EPHA6: variants seen among roughly 807,000 people sequenced by gnomAD.
EPHA6 encodes EPH receptor A6.
Under a neutral mutation model 112.0 loss-of-function variants are expected in EPHA6, and 50 were observed. The observed-to-expected ratio is 0.45, with a 90% confidence interval of 0.36 to 0.56. The LOEUF is 0.56. Ranked by LOEUF, EPHA6 falls within the 20% of genes least tolerant of loss-of-function variation. EPHA6 has a pLI of 0.00. For missense variants in EPHA6, 1,280 were observed against 1,417.4 expected, an observed-to-expected ratio of 0.90 and a Z score of 1.56; for synonymous variants, 529 against 490.7, an observed-to-expected ratio of 1.08 and a Z score of -1.03.
chr3:97,260,142 A>G (rs2079452662), intron 5 of EPHA6, among the ~76,000 whole-genome samples: 1 of 152,210 alleles, frequency 6.6e-6, no homozygotes, highest in Non-Finnish European at 1.5e-5. Context: ...ATAAGATACA[A>G]ATTGTAAATG....
intron 5 of EPHA6, among the ~76,000 whole-genome samples, chr3:97,363,171 AATATATATATATATAT>A (rs58214738): frequency 1.3e-3 from 65 of 51,428 alleles, no homozygotes; most frequent in East Asian, 3.5e-3. Context: ...TTGCCCCTGC[AATATATATATATATAT>A]ATATATATAT....
At chr3:97,134,907 A>G (rs546126046) in intron 3 of EPHA6, among the ~76,000 whole-genome samples, 1 of 152,244 alleles carries the variant, frequency 6.6e-6, no homozygotes, top group Admixed American at 6.5e-5. Context: ...TCCTCTGATA[A>G]GGGTCAATCT....
intron 1 of EPHA6, among the ~76,000 whole-genome samples, chr3:96,839,927 TAG>T (rs1006153242): frequency 2.0e-5 from 3 of 152,090 alleles, no homozygotes; most frequent in Non-Finnish European, 4.4e-5. Flanking sequence ...GAATGGTGGT[TAG>T]AGAGGGCAGG....
At chr3:97,004,011 A>G (rs1355271338) in intron 3 of EPHA6, among the ~76,000 whole-genome samples, 2 of 152,134 alleles carry the variant, frequency 1.3e-5, no homozygotes, top group African/African-American at 4.8e-5. Flanking sequence ...CATGGTGTAT[A>G]TAGATACCAC....
chr3:96,837,296 G>A (rs2034472930), intron 1 of EPHA6, among the ~76,000 whole-genome samples: 1 of 152,102 alleles, frequency 6.6e-6, no homozygotes, highest in South Asian at 2.1e-4. Context: ...GTAGTAATGT[G>A]CACAGGATTT....
chr3:96,953,148 A>G (rs1404353958), intron 2 of EPHA6, among the ~76,000 whole-genome samples: 2 of 152,266 alleles, frequency 1.3e-5, no homozygotes, highest in East Asian at 1.9e-4. Context: ...TAGGTTTTCC[A>G]TCCTGTATAG....
In EPHA6 at chr3:97,321,252, C is replaced by T. The variant is rs184195389; in HGVS notation, c.1606+76965C>T. Among the ~76,000 whole-genome samples, 61 of 151,756 alleles carry T rather than the reference C, an allele frequency of 4.0e-4. 1 individual carries two copies. The highest frequency in any genetic ancestry group is 1.4e-3 in the African/African-American group (59 of 41,318). ...GAGGCTTCCAGATTGCTCTTTTTTC[C>T]CCCAAAAGTAAATTGGGTTGTCACT... On this transcript the variant is annotated intron_variant, in intron 5 of 17. Transcript: ENST00000389672.
At chr3:97,399,999 T>C (rs1347507721) in intron 5 of EPHA6, among the ~76,000 whole-genome samples, 2 of 151,606 alleles carry the variant, frequency 1.3e-5, no homozygotes, top group African/African-American at 4.8e-5. Context: ...TGAGACCTAT[T>C]CATAAAATGA....
chr3:97,425,775 C>T (rs1433934659), intron 6 of EPHA6, among the ~76,000 whole-genome samples: 6 of 152,162 alleles, frequency 3.9e-5, no homozygotes, highest in African/African-American at 1.2e-4. Context: ...AACTGTTATG[C>T]TCTGCTTCCT....
intron 1 of EPHA6, among the ~76,000 whole-genome samples, chr3:96,860,273 A>G (rs945849115): frequency 3.9e-5 from 6 of 152,134 alleles, no homozygotes; most frequent in African/African-American, 1.4e-4. Context: ...TCCCATCTTC[A>G]AGAAAAAAGA....
At chr3:96,896,139 A>G (rs1575958622) in intron 2 of EPHA6, among the ~76,000 whole-genome samples, 2 of 152,200 alleles carry the variant, frequency 1.3e-5, no homozygotes, top group Non-Finnish European at 2.9e-5. Context: ...ATTTTTTGCT[A>G]TCCTCTCCTT....
intron 3 of EPHA6, among the ~76,000 whole-genome samples, chr3:97,208,470 G>C (rs1168138652): frequency 6.6e-6 from 1 of 152,180 alleles, no homozygotes; most frequent in Non-Finnish European, 1.5e-5. Flanking sequence ...CGCAGGCTGG[G>C]TGCAGTAGCT....
At chr3:97,321,477 T>C (rs2082116004) in intron 5 of EPHA6, among the ~76,000 whole-genome samples, 1 of 152,050 alleles carries the variant, frequency 6.6e-6, no homozygotes, top group South Asian at 2.1e-4. Context: ...ATGCAATTTA[T>C]TAATGTAATT....
chr3:97,229,902 A>G (rs1276550769), intron 4 of EPHA6, among the ~76,000 whole-genome samples: 1 of 152,092 alleles, frequency 6.6e-6, no homozygotes, highest in Non-Finnish European at 1.5e-5. Context: ...CTGTGAACAT[A>G]TTTTAAATTT....
At chr3:96,842,427 A>G (rs1576116430) in intron 1 of EPHA6, among the ~76,000 whole-genome samples, 2 of 152,030 alleles carry the variant, frequency 1.3e-5, no homozygotes, top group African/African-American at 2.4e-5. Context: ...AGAAAAAAAT[A>G]CAAAGTGATG....
At position 96,823,210 on chromosome 3, in the gene EPHA6, G is replaced by T. The variant is rs577575047; in HGVS notation, c.385+8202G>T. On this transcript the variant is annotated intron_variant, in intron 1 of 17. Transcript: ENST00000389672. The stretch of plus-strand genomic sequence containing the variant: ...ATGAGTAAATAGAGAATTTAAGTAT[G>T]TAGAGGCCAATAAATTAGTTATTCT... 3.3e-5 allele frequency among the ~76,000 whole-genome samples: 5 copies of T among 151,788 alleles called. No homozygotes were observed. The South Asian group carries it at 8.3e-4, about 25-fold the overall frequency.
At chr3:97,424,309 G>T (rs2088917847) in intron 6 of EPHA6, among the ~76,000 whole-genome samples, 1 of 152,108 alleles carries the variant, frequency 6.6e-6, no homozygotes, top group Non-Finnish European at 1.5e-5. Context: ...TGAGATTTTG[G>T]TGGGGACACA....
At chr3:96,944,039 A>G (rs924745080) in intron 2 of EPHA6, among the ~76,000 whole-genome samples, 1 of 152,168 alleles carries the variant, frequency 6.6e-6, no homozygotes, top group Non-Finnish European at 1.5e-5. Context: ...TTTAGCTATT[A>G]CACATTTTTC....
At chr3:96,926,284 A>G (rs888725223) in intron 2 of EPHA6, among the ~76,000 whole-genome samples, 1 of 152,116 alleles carries the variant, frequency 6.6e-6, no homozygotes, top group Admixed American at 6.5e-5. Context: ...AACCAACCCC[A>G]TGATCCAGTC....
Sources: allele counts gnomAD v4.1 joint callset (sites outside exome capture counted in the v4.1 genomes callset), GRCh38; gene constraint gnomAD v4.1.1; transcripts MANE v1.5; gene names NCBI Gene and HGNC (gene_info 2026-07-23, HGNC 2026-07-21).